The following SWAP70 variants were observed in gnomAD, a reference collection of about 807,000 sequenced individuals.
SWAP70 encodes switching B cell complex subunit SWAP70, also known as switch-associated protein 70.
A neutral mutation model predicts 80.2 loss-of-function variants in SWAP70; 34 were observed. That is an observed-to-expected ratio of 0.42 (90% CI 0.32 to 0.56). SWAP70 has a LOEUF of 0.56. Ranked by LOEUF, SWAP70 falls within the 20% of genes least tolerant of loss-of-function variation. SWAP70 has a pLI of 0.09. For missense variants in SWAP70, 578 were observed against 690.7 expected (o/e 0.84, Z 1.83); for synonymous variants, 239 against 238.5 (o/e 1.00, Z -0.02).
At chr11:9,684,580 A>G (rs1850607936) in intron 1 of SWAP70, among the ~76,000 whole-genome samples, 1 of 152,160 alleles carries the variant, frequency 6.6e-6, no homozygotes. Context: ...TTGAATTTTA[A>G]GAAACTGGAC....
chr11:9,683,874 A>T (rs1203031870), intron 1 of SWAP70, among the ~76,000 whole-genome samples: 2 of 152,164 alleles, frequency 1.3e-5, no homozygotes, highest in East Asian at 3.8e-4. Context: ...CTACCTCAGA[A>T]TCCATTTAGA....
intron 1 of SWAP70, among the ~76,000 whole-genome samples, chr11:9,681,997 G>T (rs1188275042): frequency 2.0e-5 from 3 of 152,328 alleles, no homozygotes; most frequent in Admixed American, 2.0e-4. Context: ...ACTTCTCTTT[G>T]CTGGGCTTCA....
chr11:9,731,256 A>G (rs1485275164), intron 6 of SWAP70, among the ~76,000 whole-genome samples: 1 of 152,228 alleles, frequency 6.6e-6, no homozygotes, highest in African/African-American at 2.4e-5. Context: ...TTAGACGTAG[A>G]TAAAATTATG....
chr11:9,740,433 A>G (rs1306733632), intron 9 of SWAP70, 86 bp downstream of exon 9: 1 of 1,366,414 alleles, frequency 7.3e-7, no homozygotes, highest in Non-Finnish European at 1.0e-6. Context: ...TCTGGTGGAG[A>G]GGGAGAAGTG....
intron 2 of SWAP70, among the ~76,000 whole-genome samples, chr11:9,705,815 C>T (rs111341351): frequency 1.2e-5 from 1 of 83,126 alleles, no homozygotes; most frequent in African/African-American, 6.9e-5. Context: ...GATCTGTATA[C>T]ACTGGTGATC....
rs747886739 is a variant in SWAP70, at chr11:9,740,177, A to G, written c.1189-4A>G. Reference sequence around the variant, plus strand: ...ATTTAAACAAGACCCTTTTATACCAACAGATCAGACAGCAGATGGAAGAAC... The same window carrying G: ...ATTTAAACAAGACCCTTTTATACCAGCAGATCAGACAGCAGATGGAAGAAC... On this transcript the variant is annotated splice_polypyrimidine_tract_variant and splice_region_variant and intron_variant, in intron 8 of 11. Coordinates refer to ENST00000318950, the MANE Select transcript of SWAP70 (RefSeq NM_015055.4). 2.0e-4 allele frequency: 321 copies of G among 1,613,374 alleles called. 1 individual carries two copies. The highest frequency in any genetic ancestry group is 2.5e-4 in the Non-Finnish European group (299 of 1,179,676).
chr11:9,664,082 ACTGCGCGGCGGGCTGTGG>A lies in SWAP70; in HGVS notation c.-92_-75del. 8.4e-7 allele frequency: 1 copy of A among 1,194,376 alleles called. No homozygotes were observed. The highest frequency in any genetic ancestry group is 1.1e-6 in the Non-Finnish European group (1 of 892,048). 74.0% of individuals were successfully genotyped at this position (1,194,376 alleles called of 1,614,324 possible). On this transcript the variant is annotated 5_prime_UTR_variant, in exon 1 of 12. Transcript: ENST00000318950. ...GGGGCGGGGCCTGGCGGGTCAGGTG[ACTGCGCGGCGGGCTGTGG>A]CTGCGGAGGTTGAGGGGCGTCCGAG... is the stretch of plus-strand genomic sequence containing the variant.
At chr11:9,684,145 T>C (rs1850602329) in intron 1 of SWAP70, among the ~76,000 whole-genome samples, 1 of 152,156 alleles carries the variant, frequency 6.6e-6, no homozygotes, top group South Asian at 2.1e-4. Flanking sequence ...GCAGTGGTGC[T>C]GTTATGGCTC....
At chr11:9,686,377 G>A (rs201515275) in intron 1 of SWAP70, among the ~76,000 whole-genome samples, 1 of 20,062 alleles carries the variant, frequency 5.0e-5, no homozygotes, top group African/African-American at 1.0e-4. Flanking sequence ...ATTTATTTTT[G>A]TGAGACAGGT....
chr11:9,685,403 T>C (rs1317087610), intron 1 of SWAP70, among the ~76,000 whole-genome samples: 1 of 152,174 alleles, frequency 6.6e-6, no homozygotes, highest in Non-Finnish European at 1.5e-5. Context: ...TATAAATTTA[T>C]TTATCACAGT....
intron 2 of SWAP70, among the ~76,000 whole-genome samples, chr11:9,698,257 C>T (rs866942478): frequency 1.6e-4 from 25 of 152,048 alleles, no homozygotes; most frequent in Middle Eastern, 3.4e-3. Context: ...TGTGCCACCA[C>T]GCCTGGCTGA....
intron 1 of SWAP70, among the ~76,000 whole-genome samples, chr11:9,680,358 T>C (rs1404597936): frequency 6.6e-6 from 1 of 152,224 alleles, no homozygotes; most frequent in African/African-American, 2.4e-5. Context: ...ACTTTAAGTA[T>C]AAAATATGCA....
chr11:9,709,323 G>T (rs1347092258), intron 2 of SWAP70, among the ~76,000 whole-genome samples: 1 of 152,036 alleles, frequency 6.6e-6, no homozygotes, highest in Admixed American at 6.6e-5. Flanking sequence ...GAAATAAGAT[G>T]TCGCTATATT....
At chr11:9,739,934 G>T (rs569912929) in intron 8 of SWAP70, among the ~76,000 whole-genome samples, 1 of 152,206 alleles carries the variant, frequency 6.6e-6, no homozygotes. Context: ...TGGAGTGGAA[G>T]GGATGGAAAA....
chr11:9,664,359 C>A, intron 1 of SWAP70, 81 bp downstream of exon 1: 1 of 1,447,324 alleles, frequency 6.9e-7, no homozygotes, highest in South Asian at 1.3e-5. Flanking sequence ...CGGGACCTGG[C>A]GGGCCGTGAC....
At chr11:9,746,951 G>T (rs1851519912) in intron 9 of SWAP70, among the ~76,000 whole-genome samples, 1 of 152,196 alleles carries the variant, frequency 6.6e-6, no homozygotes, top group African/African-American at 2.4e-5. Flanking sequence ...TATAAGAGCA[G>T]ATGCTGGCAG....
At chr11:9,714,558 A>G (rs1210274102) in intron 3 of SWAP70, among the ~76,000 whole-genome samples, 1 of 152,216 alleles carries the variant, frequency 6.6e-6, no homozygotes, top group Non-Finnish European at 1.5e-5. Context: ...CTTTCAGGGT[A>G]TTAGATGAAC....
At chr11:9,729,686 G>T (rs1851271892) in intron 6 of SWAP70, among the ~76,000 whole-genome samples, 2 of 152,058 alleles carry the variant, frequency 1.3e-5, no homozygotes, top group Non-Finnish European at 2.9e-5. Context: ...TAGAGACGGG[G>T]TTTCACCATG....
At chr11:9,684,777 AG>A (rs1285053842) in intron 1 of SWAP70, among the ~76,000 whole-genome samples, 1 of 152,234 alleles carries the variant, frequency 6.6e-6, no homozygotes, top group African/African-American at 2.4e-5. Context: ...AAGATGGTAA[AG>A]TAGCAAAATG....
Sources: gnomAD v4.1 joint callset for allele counts (sites outside exome capture counted in the v4.1 genomes callset) on GRCh38, gnomAD v4.1.1 for gene constraint, MANE v1.5 for transcripts, NCBI Gene and HGNC (gene_info 2026-07-23, HGNC 2026-07-21) for gene names.